TRPC6: variants seen among roughly 807,000 people sequenced by gnomAD.
TRPC6 encodes transient receptor potential cation channel subfamily C member 6.
TRPC6 carries 55 observed loss-of-function variants against 90.7 expected under a neutral mutation model. The ratio of observed to expected loss-of-function variants is 0.61; its 90% CI spans 0.49 to 0.76. The LOEUF (loss-of-function observed/expected upper bound fraction) is 0.76. TRPC6 is among the 30% of genes least tolerant of loss of function. TRPC6 has a pLI of 0.00. For missense variants in TRPC6, 989 were observed against 1,122.7 expected (o/e 0.88, Z 1.70); for synonymous variants, 393 against 393.0 (o/e 1.00, Z 0.00).
At chr11:101,505,918 T>C (rs6590873) in intron 1 of TRPC6, among the ~76,000 whole-genome samples, 69,385 of 150,344 alleles carry the variant, frequency 0.46, 16,335 homozygotes, top group African/African-American at 0.55. Flanking sequence ...GAGGCTGAGG[T>C]AGAGTATCAA....
chr11:101,528,164 T>C (rs1565230787), intron 1 of TRPC6, among the ~76,000 whole-genome samples: 1 of 152,208 alleles, frequency 6.6e-6, no homozygotes, highest in Non-Finnish European at 1.5e-5. Flanking sequence ...AATAAATCTA[T>C]GTTAAATTTA....
At chr11:101,506,779 C>T (rs1041795513) in intron 1 of TRPC6, among the ~76,000 whole-genome samples, 7 of 151,880 alleles carry the variant, frequency 4.6e-5, no homozygotes, top group Non-Finnish European at 7.4e-5. Flanking sequence ...TTTTTAATTC[C>T]ATTTTTAATT....
At chr11:101,487,641 A>AG (rs1049864296) in intron 4 of TRPC6, among the ~76,000 whole-genome samples, 5 of 151,978 alleles carry the variant, frequency 3.3e-5, no homozygotes, top group African/African-American at 1.2e-4. Context: ...AAAGGGAAAA[A>AG]AAGTCAATTT....
chr11:101,571,410 G>A (rs1861961480), intron 1 of TRPC6, among the ~76,000 whole-genome samples: 2 of 152,148 alleles, frequency 1.3e-5, no homozygotes, highest in Admixed American at 1.3e-4. Context: ...CTCATGGACA[G>A]AAAGAATCAA....
At chr11:101,521,674 C>T (rs1031686825) in intron 1 of TRPC6, among the ~76,000 whole-genome samples, 2 of 152,250 alleles carry the variant, frequency 1.3e-5, no homozygotes, top group African/African-American at 4.8e-5. Context: ...GCACTCAACA[C>T]CAGCCCTTGA....
At chr11:101,479,138 CCTAA>C (rs529266416) in intron 5 of TRPC6, among the ~76,000 whole-genome samples, 108 of 152,334 alleles carry the variant, frequency 7.1e-4, no homozygotes, top group African/African-American at 2.4e-3. Flanking sequence ...CACTCACTCT[CCTAA>C]CTAACTGCTG....
chr11:101,473,726 G>A lies in TRPC6; in HGVS notation c.1792C>T (p.Leu598Phe). The A allele has an allele frequency of 6.2e-7, 1 of 1,613,680 alleles. No homozygotes were observed. ...PSDPQIISEG[L>F]YAIAVVLSFS... The stretch of plus-strand genomic sequence containing the variant: ...CTTAAAACTACAGCAATTGCATAAA[G>A]ACCTTCAGATATTATTTGAGGATCA... Residue 598 changes from leucine to phenylalanine, a missense_variant, in exon 7 of 13, where the codon CTT becomes TTT. Leu to Phe is a conservative substitution (Grantham distance 22). This residue lies in a region of TRPC6 where 118 missense variants were observed against 197.6 expected (regional missense o/e 0.60). Transcript: ENST00000344327.
chr11:101,559,362 C>G (rs1258382910), intron 1 of TRPC6, among the ~76,000 whole-genome samples: 1 of 152,106 alleles, frequency 6.6e-6, no homozygotes, highest in African/African-American at 2.4e-5. Context: ...TAAAATTAGA[C>G]AATTATAAAT....
rs115837383 is a variant in TRPC6, at chr11:101,508,100, T to C, written c.171-3302A>G. 1.9e-3 allele frequency among the ~76,000 whole-genome samples: 284 copies of C among 152,186 alleles called. 2 individuals are homozygous for C. Among genetic ancestry groups the C allele is most frequent in the African/African-American group, 6.6e-3 (273 of 41,546 alleles). Reference sequence around the variant, plus strand: ...TTTCAAATGTTACTTTTTATAAGACTTTTCTGCTTTTAAAGGCACAAACAT... The same window carrying C: ...TTTCAAATGTTACTTTTTATAAGACCTTTCTGCTTTTAAAGGCACAAACAT... On this transcript the variant is annotated intron_variant, in intron 1 of 12. Transcript: ENST00000344327.
chr11:101,475,294 A>G (rs1859385008), intron 6 of TRPC6, among the ~76,000 whole-genome samples: 1 of 152,138 alleles, frequency 6.6e-6, no homozygotes, highest in Non-Finnish European at 1.5e-5. Context: ...TGGCACTCAA[A>G]TGTGAACTTT....
chr11:101,495,633 T>TATTATTATTATC (rs377163485), intron 2 of TRPC6, among the ~76,000 whole-genome samples: 37 of 144,508 alleles, frequency 2.6e-4, no homozygotes, highest in Middle Eastern at 3.7e-3. Context: ...TTATTATTAT[T>TATTATTATTATC]ATCATTGTTT....
intron 5 of TRPC6, among the ~76,000 whole-genome samples, chr11:101,477,159 C>A (rs1802119831): frequency 6.6e-6 from 1 of 151,026 alleles, no homozygotes; most frequent in African/African-American, 2.4e-5. Flanking sequence ...GACAGCCTTG[C>A]CAACCTTTCC....
At chr11:101,582,716 C>T (rs1267001022) in intron 1 of TRPC6, among the ~76,000 whole-genome samples, 2 of 152,226 alleles carry the variant, frequency 1.3e-5, no homozygotes, top group African/African-American at 2.4e-5. Flanking sequence ...AAGGTTCGCG[C>T]CGCCGGTGGA....
At chr11:101,547,437 C>T (rs1462862057) in intron 1 of TRPC6, among the ~76,000 whole-genome samples, 1 of 152,092 alleles carries the variant, frequency 6.6e-6, no homozygotes, top group Non-Finnish European at 1.5e-5. Context: ...GGAACAAATG[C>T]TCTGCTGCCA....
At chr11:101,470,320 A>T (rs1304793202) in intron 9 of TRPC6, among the ~76,000 whole-genome samples, 1 of 152,196 alleles carries the variant, frequency 6.6e-6, no homozygotes, top group African/African-American at 2.4e-5. Flanking sequence ...GTACTTCCTA[A>T]TTAAAGATGG....
At chr11:101,498,728 TTC>T (rs774973186) in intron 2 of TRPC6, among the ~76,000 whole-genome samples, 47 of 152,286 alleles carry the variant, frequency 3.1e-4, no homozygotes, top group Non-Finnish European at 3.8e-4. Flanking sequence ...CATTAATACT[TTC>T]CAAGTGGCTG....
chr11:101,521,324 T>C (rs529916043), intron 1 of TRPC6, among the ~76,000 whole-genome samples: 1 of 152,360 alleles, frequency 6.6e-6, no homozygotes, highest in Non-Finnish European at 1.5e-5. Flanking sequence ...CTTAGGATGC[T>C]GCTCCAGAGG....
chr11:101,495,750 G>A (rs1033149089), intron 2 of TRPC6, among the ~76,000 whole-genome samples: 1 of 151,776 alleles, frequency 6.6e-6, no homozygotes, highest in Non-Finnish European at 1.5e-5. Context: ...GCAGGTGTTG[G>A]AAATAAAACA....
At chr11:101,475,787 T>C (rs1859400764) in intron 6 of TRPC6, among the ~76,000 whole-genome samples, 1 of 151,760 alleles carries the variant, frequency 6.6e-6, no homozygotes, top group Admixed American at 6.5e-5. Flanking sequence ...TTCATTCATG[T>C]TGTTACAAAT....
Sources: gnomAD v4.1 joint callset for allele counts (sites outside exome capture counted in the v4.1 genomes callset) on GRCh38, gnomAD v4.1.1 for gene constraint, gnomAD v4.1.1 regional missense constraint, MANE v1.5 for transcripts, NCBI Gene and HGNC (gene_info 2026-07-23, HGNC 2026-07-21) for gene names.